Variants in GPC2 observed in about 807,000 individuals in gnomAD.
The protein encoded by GPC2 is glypican-2.
GPC2 carries 42 observed loss-of-function variants against 57.3 expected under a neutral mutation model. The observed-to-expected ratio is 0.73, with a 90% CI of 0.57 to 0.95. GPC2 has a LOEUF of 0.95. GPC2 is among the 40% of genes least tolerant of loss of function. The pLI, the probability that GPC2 is intolerant of heterozygous loss-of-function variation, is 0.00. For synonymous variants in GPC2, 364 were observed against 343.4 expected (o/e 1.06, Z -0.66); for missense variants, 745 against 793.6 (o/e 0.94, Z 0.74).
At chr7:100,175,142 A>C (rs1799245685) in intron 3 of GPC2, among the ~76,000 whole-genome samples, 1 of 152,232 alleles carries the variant, frequency 6.6e-6, no homozygotes, top group African/African-American at 2.4e-5. Context: ...AAATAAGGGC[A>C]TGACTGTCTA....
Position 100,176,200 on chromosome 7 carries a change from T to G in GPC2, c.325+7A>C. ...TGAAGCTGAGTTTGGGGACCCCAGGTCCTCACCATCAAATTTTCTGTGCCT... is the reference window on the plus strand; with the variant it reads ...TGAAGCTGAGTTTGGGGACCCCAGGGCCTCACCATCAAATTTTCTGTGCCT... On this transcript the variant is annotated splice_region_variant and intron_variant, in intron 2 of 9. Transcript: ENST00000292377. 1 of 1,597,628 alleles carries G rather than the reference T, an allele frequency of 6.3e-7. No homozygotes were observed. Among genetic ancestry groups the G allele is most frequent in the East Asian group, 2.3e-5 (1 of 44,374 alleles).
rs534789620 is a variant in GPC2 at position 100,170,068 on chromosome 7, C to T, written c.*162G>A. 1,163 of 593,950 alleles carry T rather than the reference C, an allele frequency of 2.0e-3. 6 individuals carry two copies. The highest frequency in any genetic ancestry group is 2.7e-3 in the Middle Eastern group (6 of 2,184). The allele number at this position is 593,950 out of a possible 1,614,324, so 36.8% of individuals were successfully genotyped here. On this transcript the variant is annotated 3_prime_UTR_variant, in exon 10 of 10. Coordinates refer to ENST00000292377, the MANE Select transcript of GPC2 (RefSeq NM_152742.3). ...AATAAATATTGTGAACACCCACCCACCTCTGATGAAAATCTCCTGGATTTG... is the reference window on the plus strand; with the variant it reads ...AATAAATATTGTGAACACCCACCCATCTCTGATGAAAATCTCCTGGATTTG...
chr7:100,172,947 C>A (rs1188534790), intron 5 of GPC2, among the ~76,000 whole-genome samples: 1 of 151,418 alleles, frequency 6.6e-6, no homozygotes, highest in Non-Finnish European at 1.5e-5. Flanking sequence ...GATCTTGGCT[C>A]ACTGCAATCT....
intron 4 of GPC2, chr7:100,174,326 G>T: frequency 1.9e-6 from 1 of 521,544 alleles, no homozygotes; most frequent in Non-Finnish European, 3.5e-6. Flanking sequence ...GGCAGTGAGA[G>T]AGGCCAAGCC....
intron 2 of GPC2, 110 bp downstream of exon 2, chr7:100,176,097 A>AAG: frequency 2.9e-6 from 2 of 700,418 alleles, no homozygotes; most frequent in East Asian, 3.8e-5. Context: ...GCGGGCTGGG[A>AAG]GGGGATGGAG....
In GPC2 at chr7:100,177,257, A is replaced by C. The variant is rs1799323729; in HGVS notation, c.-58T>G. 2.0e-6 allele frequency: 3 copies of C among 1,474,552 alleles called. No homozygotes were observed. The highest frequency in any genetic ancestry group is 2.7e-6 in the Non-Finnish European group (3 of 1,092,966). 91.3% of individuals were successfully genotyped at this position (1,474,552 alleles called of 1,614,324 possible). Reference sequence around the variant, plus strand: ...CCTAAGGAGGAAAGCAGAGCCTCCCAAACTCGGGAATCCGGTACTCGGCCG... The same window carrying C: ...CCTAAGGAGGAAAGCAGAGCCTCCCCAACTCGGGAATCCGGTACTCGGCCG... On this transcript the variant is annotated 5_prime_UTR_variant, in exon 1 of 10. Coordinates refer to ENST00000292377, the MANE Select transcript of GPC2 (RefSeq NM_152742.3).
chr7:100,176,440 G>T, intron 1 of GPC2, 75 bp from the exon 2 acceptor site: 1 of 1,390,506 alleles, frequency 7.2e-7, no homozygotes, highest in Non-Finnish European at 1.0e-6. Context: ...CTATCTCTGG[G>T]GACTATGCCT....
Position 100,172,151 on chromosome 7 carries a change from A to G in GPC2, c.959T>C (p.Ile320Thr), listed in dbSNP as rs144518200. ...PFSFELTAES[I>T]GVKISEGLMY... ...CAAACCCTCCGAGATCTTCACCCCA[A>G]TGGACTCGGCCGTCAGCTCAAAGGA... The change falls in exon 6 of 10, where the codon ATT becomes ACT. Residue 320 changes from isoleucine (I) to threonine (T), a missense_variant. This residue lies in a region of GPC2 where 607 missense variants were observed against 603.9 expected (regional missense o/e 1.01). Transcript: ENST00000292377. The G allele has an allele frequency of 6.2e-6, 10 of 1,612,200 alleles. No homozygotes were observed. The highest frequency in any genetic ancestry group is 4.0e-5 in the African/African-American group (3 of 74,786).
intron 4 of GPC2, 52 bp from the exon 5 acceptor site, chr7:100,174,049 A>T (rs777094356): frequency 2.1e-6 from 3 of 1,449,528 alleles, no homozygotes; most frequent in Non-Finnish European, 2.7e-6. Flanking sequence ...GGCTGCTCTC[A>T]GCCTGGCTTG....
In GPC2 at chr7:100,170,022, C is replaced by A; in HGVS notation, c.*208G>T. 1 of 500,642 alleles carries A rather than the reference C, an allele frequency of 2.0e-6. No homozygotes were observed. The highest frequency in any genetic ancestry group is 3.5e-6 in the Non-Finnish European group (1 of 286,076). 31.0% of individuals were successfully genotyped at this position (500,642 alleles called of 1,614,324 possible). A position where few individuals can be genotyped will look rare whatever the true frequency, so the allele number is the denominator to read the frequency against. On this transcript the variant is annotated 3_prime_UTR_variant, in exon 10 of 10. Transcript: ENST00000292377. ...TCCTAAATAAATACCCCCAGGCCCCCCTCCCATTACCAAATGAAAAAATAA... is the reference window on the plus strand; with the variant it reads ...TCCTAAATAAATACCCCCAGGCCCCACTCCCATTACCAAATGAAAAAATAA...
intron 9 of GPC2, 129 bp from the exon 10 acceptor site, chr7:100,170,612 G>C (rs1799161537): frequency 6.0e-6 from 5 of 838,104 alleles, no homozygotes; most frequent in Non-Finnish European, 8.6e-6. Flanking sequence ...ATGCCGGGTT[G>C]GGGAAGGGAG....
At position 100,171,275 on chromosome 7, in the gene GPC2, T is replaced by C; in HGVS notation, c.1472A>G (p.Asp491Gly). The change falls in exon 9 of 10, where the codon GAC (aspartate) becomes GGC (glycine). Residue 491 changes from aspartate to glycine, a missense_variant. Transcript: ENST00000292377. The surrounding 1 kb of genome is among the most constrained non-coding windows in gnomAD (Gnocchi z 4.8). ...AGGGGTCTCACCCGCGTCCTGCCCG[T>C]CCAGGTCGTGTCCCAGTGCGGCCGT... ...MKTAALGHDLDGQDADEDASG... is the reference protein window; with the variant it reads ...MKTAALGHDLGGQDADEDASG... 6.5e-7 allele frequency: 1 copy of C among 1,535,158 alleles called. No individual in the cohort carries two copies. The highest frequency in any genetic ancestry group is 8.8e-7 in the Non-Finnish European group (1 of 1,139,834).
Position 100,175,618 on chromosome 7 carries a change from C to G in GPC2, c.602G>C (p.Gly201Ala), listed in dbSNP as rs1404121266. ...TGAGTCCCCAAAGGGCTGCAGAGAG[C>G]CATCGGTAGATGAGGCCAAGCGTGA... ...CLSRLASSTDGSLQPFGDSPR... is the reference protein window; with the variant it reads ...CLSRLASSTDASLQPFGDSPR... Residue 201 changes from glycine to alanine, a missense_variant, in exon 3 of 10, where the codon GGC becomes GCC. Gly to Ala is a moderately conservative substitution (Grantham distance 60). This residue lies in a region of GPC2 where 607 missense variants were observed against 603.9 expected (regional missense o/e 1.01). Coordinates refer to ENST00000292377, the MANE Select transcript of GPC2 (RefSeq NM_152742.3). 1.2e-6 allele frequency: 2 copies of G among 1,613,704 alleles called. No individual in the cohort carries two copies. Among genetic ancestry groups the G allele is most frequent in the African/African-American group, 2.7e-5 (2 of 75,028 alleles).
In GPC2 at chr7:100,174,750, C is replaced by G; in HGVS notation, c.664G>C (p.Val222Leu). 6.2e-7 allele frequency: 1 copy of G among 1,614,024 alleles called. No individual in the cohort carries two copies. Among genetic ancestry groups the G allele is most frequent in the South Asian group, 1.1e-5 (1 of 91,066 alleles). The change falls in exon 4 of 10, where the codon GTG (valine) becomes CTG (leucine). Residue 222 changes from valine (V) to leucine (L), a missense_variant. By Grantham distance (32) the Val-to-Leu change is conservative. Coordinates refer to ENST00000292377, the MANE Select transcript of GPC2 (RefSeq NM_152742.3). ...RLRLQITRTL[V>L]AARAFVQGLE... ...CCCTGCACAAAGGCTCGGGCAGCCA[C>G]CAGGGTCCGGGTTATCTGGGAGAAG...
intron 2 of GPC2, 86 bp downstream of exon 2, chr7:100,176,121 A>G: frequency 7.7e-7 from 1 of 1,306,672 alleles, no homozygotes; most frequent in Non-Finnish European, 1.1e-6. Flanking sequence ...TCACAGATGG[A>G]GTAAGGAGTG....
chr7:100,175,985 G>T, intron 2 of GPC2, 91 bp from the exon 3 acceptor site: 2 of 1,075,484 alleles, frequency 1.9e-6, no homozygotes, highest in Non-Finnish European at 2.7e-6. Context: ...AGATGGGAGA[G>T]AAGAGAAAAG....
At position 100,171,331 on chromosome 7, in the gene GPC2, T is replaced by A; in HGVS notation, c.1416A>T (p.Leu472=). The A allele has an allele frequency of 6.5e-7, 1 of 1,544,856 alleles. No individual in the cohort carries two copies. The highest frequency in any genetic ancestry group is 8.7e-7 in the Non-Finnish European group (1 of 1,144,976). ...GPDVPTRRRR[L]QLRAATARMK... is the part of the protein sequence containing the mutation. ...TTCTGGCCGTGGCCGCCCGGAGCTGTAGCCGACGCCGCCGTGTCGGGACAT... is the reference window on the plus strand; with the variant it reads ...TTCTGGCCGTGGCCGCCCGGAGCTGAAGCCGACGCCGCCGTGTCGGGACAT... The change falls in exon 9 of 10, where the codon CTA becomes CTT. Residue 472 remains leucine, a synonymous_variant. Coordinates refer to ENST00000292377, the MANE Select transcript of GPC2 (RefSeq NM_152742.3). This position sits in a 1 kb window ranked among gnomAD's most constrained non-coding sequence, Gnocchi z 4.8.
At position 100,175,733 on chromosome 7, in the gene GPC2, G is replaced by C; in HGVS notation, c.487C>G (p.Leu163Val). ...AGGAGCTGTGCCCAGAAATCCGCCA[G>C]GGTGTCATCCAACCCCTCACCAGAT... ...GESGEGLDDT[L>V]ADFWAQLLER... Residue 163 changes from leucine (L) to valine (V), a missense_variant, in exon 3 of 10, where the codon CTG becomes GTG. Coordinates refer to ENST00000292377, the MANE Select transcript of GPC2 (RefSeq NM_152742.3). 1 of 1,614,156 alleles carries C rather than the reference G, an allele frequency of 6.2e-7. No individual in the cohort carries two copies. Among genetic ancestry groups the C allele is most frequent in the South Asian group, 1.1e-5 (1 of 91,088 alleles).
chr7:100,175,958 C>T (rs1799266053), intron 2 of GPC2, 64 bp from the exon 3 acceptor site: 2 of 1,321,854 alleles, frequency 1.5e-6, no homozygotes, highest in Non-Finnish European at 2.2e-6. Flanking sequence ...GAAAAGTGAA[C>T]AGGCAGAGGC....
Sources: allele counts gnomAD v4.1 joint callset (sites outside exome capture counted in the v4.1 genomes callset), GRCh38; gene constraint gnomAD v4.1.1; regional missense constraint gnomAD v4.1.1; non-coding constraint Gnocchi (gnomAD v3.1); transcripts MANE v1.5; gene names NCBI Gene and HGNC (gene_info 2026-07-23, HGNC 2026-07-21).